The following GORAB variants were observed in gnomAD, a reference collection of about 807,000 sequenced individuals.
GORAB encodes the protein RAB6-interacting golgin.
Under a neutral mutation model 29.9 loss-of-function variants are expected in GORAB, and 17 were observed. The ratio of observed to expected loss-of-function variants is 0.57; its 90% CI spans 0.39 to 0.85. The LOEUF is 0.85. GORAB is among the 40% of genes least tolerant of loss of function. The pLI, the probability that GORAB is intolerant of heterozygous loss-of-function variation, is 0.00. For missense variants in GORAB, 442 were observed against 437.8 expected (o/e 1.01, Z -0.09); for synonymous variants, 183 against 157.2 (o/e 1.16, Z -1.23).
At chr1:170,547,207 A>T (rs1048749986) in intron 4 of GORAB, among the ~76,000 whole-genome samples, 4 of 151,974 alleles carry the variant, frequency 2.6e-5, no homozygotes, top group Admixed American at 6.6e-5. Context: ...TTTATGGGAG[A>T]TTTCCTTGTT....
At chr1:170,546,178 C>T (rs1270848152) in intron 4 of GORAB, among the ~76,000 whole-genome samples, 1 of 152,098 alleles carries the variant, frequency 6.6e-6, no homozygotes, top group Non-Finnish European at 1.5e-5. Context: ...ATCACGAGGT[C>T]AGGAGTTCAA....
At chr1:170,536,498 A>G (rs976993653) in intron 1 of GORAB, 1 of 152,240 alleles carries the variant, frequency 6.6e-6, no homozygotes, top group African/African-American at 2.4e-5. Context: ...AAGTGCATCC[A>G]CAGGATCTTA....
intron 1 of GORAB, among the ~76,000 whole-genome samples, chr1:170,534,745 T>C (rs1034865354): frequency 6.6e-6 from 1 of 152,188 alleles, no homozygotes; most frequent in East Asian, 1.9e-4. Context: ...TATAGTAGGC[T>C]GTACCATCTA....
At chr1:170,544,221 A>G (rs2101826849) in intron 3 of GORAB, among the ~76,000 whole-genome samples, 1 of 152,292 alleles carries the variant, frequency 6.6e-6, no homozygotes, top group South Asian at 2.1e-4. Context: ...GTTTGGGGAA[A>G]TGGGTCCCAA....
At chr1:170,541,215 A>AC (rs1229115525) in intron 2 of GORAB, among the ~76,000 whole-genome samples, 3 of 150,710 alleles carry the variant, frequency 2.0e-5, no homozygotes, top group Non-Finnish European at 3.0e-5. Context: ...AAAAAAAAAA[A>AC]AAAAAAAAAA....
intron 4 of GORAB, among the ~76,000 whole-genome samples, chr1:170,547,821 T>C (rs1389995413): frequency 6.6e-6 from 1 of 152,220 alleles, no homozygotes; most frequent in Non-Finnish European, 1.5e-5. Flanking sequence ...TTGTAAAATA[T>C]TGGGTGTATG....
intron 1 of GORAB, chr1:170,532,589 C>T (rs182179607): frequency 6.3e-4 from 245 of 387,184 alleles, no homozygotes; most frequent in African/African-American, 4.9e-3. Context: ...CGGGGTGTCT[C>T]CCTTAGGGAA....
chr1:170,541,446 A>G (rs900905086), intron 2 of GORAB, among the ~76,000 whole-genome samples: 4 of 152,106 alleles, frequency 2.6e-5, no homozygotes, highest in African/African-American at 9.7e-5. Context: ...GAGAGTGCAT[A>G]GTGAGCTGTG....
At chr1:170,539,709 C>T in intron 2 of GORAB, 142 bp downstream of exon 2, 5 of 897,710 alleles carry the variant, frequency 5.6e-6, no homozygotes, top group Non-Finnish European at 8.2e-6. Flanking sequence ...GATGTATAAA[C>T]TATTGAAAAA....
intron 4 of GORAB, among the ~76,000 whole-genome samples, chr1:170,546,527 G>A (rs1266446550): frequency 6.6e-6 from 1 of 152,092 alleles, no homozygotes; most frequent in African/African-American, 2.4e-5. Context: ...AAAGAAGGTG[G>A]GATTACTAAA....
chr1:170,534,316 G>A (rs1648910446), intron 1 of GORAB, among the ~76,000 whole-genome samples: 1 of 152,144 alleles, frequency 6.6e-6, no homozygotes, highest in African/African-American at 2.4e-5. Flanking sequence ...AACTGTGATG[G>A]TTCACTTATA....
intron 1 of GORAB, chr1:170,532,523 A>G (rs1648759543): frequency 3.9e-6 from 2 of 512,142 alleles, no homozygotes; most frequent in South Asian, 2.0e-5. Flanking sequence ...AATCCACTGT[A>G]GGGATTTGAC....
chr1:170,549,662 A>C (rs144801669), intron 4 of GORAB, among the ~76,000 whole-genome samples: 1 of 152,304 alleles, frequency 6.6e-6, no homozygotes, highest in African/African-American at 2.4e-5. Flanking sequence ...TATGTTATAA[A>C]GTATGGAGAT....
rs573300781 is a variant in GORAB at position 170,539,276 on chromosome 1, C to A, written c.128C>A (p.Ala43Asp). The A allele has an allele frequency of 6.2e-7, 1 of 1,614,144 alleles. No homozygotes were observed. The highest frequency in any genetic ancestry group is 2.2e-5 in the East Asian group (1 of 44,884). Residue 43 changes from alanine (A) to aspartate (D), a missense_variant, in exon 2 of 5, where the codon GCC (alanine) becomes GAC (aspartate). Physicochemically the swap from Ala to Asp is moderately radical, Grantham distance 126. Coordinates refer to ENST00000367763, the MANE Select transcript of GORAB (RefSeq NM_152281.3). ...CGACAACAACTTCAGCGAGAAAAAG[C>A]CCTTGTAGAGCAAAGCCAAAAACTT... ...KSRQQLQREK[A>D]LVEQSQKLGL...
chr1:170,546,700 T>C (rs992871410), intron 4 of GORAB, among the ~76,000 whole-genome samples: 7 of 152,154 alleles, frequency 4.6e-5, no homozygotes, highest in Non-Finnish European at 1.0e-4. Flanking sequence ...TTTTAGGTTT[T>C]TGAGACGGAG....
chr1:170,540,495 T>G (rs1178851836), intron 2 of GORAB, among the ~76,000 whole-genome samples: 1 of 152,178 alleles, frequency 6.6e-6, no homozygotes, highest in African/African-American at 2.4e-5. Flanking sequence ...CTGATCCAGA[T>G]TCTATCCTGT....
chr1:170,544,419 T>G (rs1571252331), intron 3 of GORAB, among the ~76,000 whole-genome samples: 2 of 152,314 alleles, frequency 1.3e-5, no homozygotes, highest in East Asian at 3.9e-4. Context: ...ACAGATATAT[T>G]CTTTTAGTGT....
chr1:170,545,521 T>C (rs895327531), intron 4 of GORAB: 2 of 984,422 alleles, frequency 2.0e-6, no homozygotes, highest in Non-Finnish European at 1.2e-6. Context: ...TACATGGACT[T>C]TGCAGACAGA....
At chr1:170,537,155 CTCTT>C (rs760732366) in intron 1 of GORAB, among the ~76,000 whole-genome samples, 26 of 151,278 alleles carry the variant, frequency 1.7e-4, no homozygotes, top group African/African-American at 5.6e-4. Flanking sequence ...TTCTTTGTCT[CTCTT>C]TCTTTTATCC....
Sources: allele counts gnomAD v4.1 joint callset (sites outside exome capture counted in the v4.1 genomes callset), GRCh38; gene constraint gnomAD v4.1.1; transcripts MANE v1.5; gene names NCBI Gene and HGNC (gene_info 2026-07-23, HGNC 2026-07-21).